The following AKAP13 variants were observed in gnomAD, a reference collection of about 807,000 sequenced individuals.
AKAP13 encodes A-kinase anchoring protein 13, also known as A-kinase anchor protein 13.
AKAP13 carries 80 observed loss-of-function variants against 264.5 expected under a neutral mutation model. The observed-to-expected ratio is 0.30, with a 90% CI of 0.25 to 0.36. The LOEUF is 0.36. Ranked by LOEUF, AKAP13 falls within the 10% of genes least tolerant of loss-of-function variation. AKAP13 has a pLI of 1.00. For synonymous variants in AKAP13, 1,380 were observed against 1,250.2 expected (o/e 1.10, Z -2.19); for missense variants, 3,712 against 3,435.2 (o/e 1.08, Z -2.01).
intron 23 of AKAP13, among the ~76,000 whole-genome samples, chr15:85,721,523 T>C (rs2087282177): frequency 6.6e-6 from 1 of 152,214 alleles, no homozygotes; most frequent in African/African-American, 2.4e-5. Context: ...CATAGAATTA[T>C]TAGGACTGCT....
rs78536863 is a variant in AKAP13 at position 85,734,659 on chromosome 15, A to G, written c.7283-333A>G. 2.0e-3 allele frequency among the ~76,000 whole-genome samples: 308 copies of G among 152,360 alleles called. 8 individuals carry two copies. The East Asian group carries it at 0.055, about 27-fold the overall frequency. On this transcript the variant is annotated intron_variant, in intron 30 of 36. Transcript: ENST00000394518. ...TGTTTTACTTGCTGTTCTCAAATCA[A>G]TCCATCTTACTTTCCAGGGAATATC...
chr15:85,403,525 G>A (rs1298760739), intron 1 of AKAP13, among the ~76,000 whole-genome samples: 4 of 152,094 alleles, frequency 2.6e-5, no homozygotes, highest in Admixed American at 6.6e-5. Flanking sequence ...GAAATGTGTC[G>A]CTTTTGGCTA....
intron 2 of AKAP13, among the ~76,000 whole-genome samples, chr15:85,492,641 G>A (rs1162082970): frequency 1.3e-5 from 2 of 152,150 alleles, no homozygotes; most frequent in East Asian, 3.8e-4. Context: ...TAACATTGAT[G>A]TAATACTCTT....
At chr15:85,503,433 C>T (rs1338788511) in intron 2 of AKAP13, among the ~76,000 whole-genome samples, 1 of 152,178 alleles carries the variant, frequency 6.6e-6, no homozygotes. Flanking sequence ...GTATTGGTAC[C>T]TTCCCTTCTT....
At chr15:85,497,539 G>T (rs994468210) in intron 2 of AKAP13, among the ~76,000 whole-genome samples, 1 of 152,212 alleles carries the variant, frequency 6.6e-6, no homozygotes, top group Non-Finnish European at 1.5e-5. Flanking sequence ...CAGTTGTGGG[G>T]AGAGACTTTG....
intron 1 of AKAP13, among the ~76,000 whole-genome samples, chr15:85,464,811 C>G (rs544336375): frequency 1.4e-4 from 21 of 152,192 alleles, no homozygotes; most frequent in African/African-American, 5.1e-4. Flanking sequence ...CAATTGCTTA[C>G]CCCGTCCCTT....
intron 1 of AKAP13, among the ~76,000 whole-genome samples, chr15:85,464,437 C>A (rs1048601143): frequency 3.9e-5 from 6 of 152,066 alleles, no homozygotes; most frequent in African/African-American, 1.5e-4. Context: ...ATATCTATTC[C>A]TGAGTTTTGA....
intron 7 of AKAP13, 29 bp from the exon 8 acceptor site, chr15:85,585,673 T>A: frequency 6.2e-7 from 1 of 1,613,424 alleles, no homozygotes; most frequent in Non-Finnish European, 8.5e-7. Context: ...TTTTTAAAAA[T>A]GTACTCTGTA....
At chr15:85,588,205 A>G (rs1444679505) in intron 8 of AKAP13, among the ~76,000 whole-genome samples, 2 of 152,218 alleles carry the variant, frequency 1.3e-5, no homozygotes, top group African/African-American at 4.8e-5. Context: ...TTTCAAGAGT[A>G]TGAACAGTGA....
At chr15:85,661,527 T>G (rs1306867310) in intron 12 of AKAP13, among the ~76,000 whole-genome samples, 1 of 152,152 alleles carries the variant, frequency 6.6e-6, no homozygotes, top group African/African-American at 2.4e-5. Flanking sequence ...GAGACCAGCC[T>G]GACCAACATG....
chr15:85,485,167 A>G (rs2075493644), intron 1 of AKAP13, among the ~76,000 whole-genome samples: 1 of 152,238 alleles, frequency 6.6e-6, no homozygotes, highest in South Asian at 2.1e-4. Context: ...AGTGAACATA[A>G]CAATCAGGGA....
At chr15:85,628,450 G>C (rs1251054910) in intron 8 of AKAP13, among the ~76,000 whole-genome samples, 1 of 152,178 alleles carries the variant, frequency 6.6e-6, no homozygotes, top group African/African-American at 2.4e-5. Context: ...TATCGGAAAT[G>C]TTACTGTTCT....
At chr15:85,662,655 C>T (rs1233243344) in intron 12 of AKAP13, among the ~76,000 whole-genome samples, 1 of 152,192 alleles carries the variant, frequency 6.6e-6, no homozygotes, top group South Asian at 2.1e-4. Flanking sequence ...GGTGATGCAT[C>T]CTGTATGTCT....
At chr15:85,676,052 C>T (rs377706431) in intron 14 of AKAP13, among the ~76,000 whole-genome samples, 1 of 152,096 alleles carries the variant, frequency 6.6e-6, no homozygotes, top group African/African-American at 2.4e-5. Flanking sequence ...GCTGGGATTA[C>T]AGGTGCCCAC....
intron 8 of AKAP13, among the ~76,000 whole-genome samples, chr15:85,606,879 C>T (rs1239514628): frequency 1.3e-5 from 2 of 152,134 alleles, no homozygotes; most frequent in African/African-American, 4.8e-5. Context: ...AGGATCACCT[C>T]TCAGAGCTAG....
chr15:85,721,722 T>C lies in AKAP13; in HGVS notation c.6253-269T>C, dbSNP rs569140769. On this transcript the variant is annotated intron_variant, in intron 23 of 36. Coordinates refer to ENST00000394518, the MANE Select transcript of AKAP13 (RefSeq NM_007200.5). ...TTGCATTTTCCGTGTGCACAGTACA[T>C]AAAGTTTCTTTAATTTTTTGTTGTT... 2.9e-4 allele frequency among the ~76,000 whole-genome samples: 44 copies of C among 152,356 alleles called. 1 individual carries two copies. The highest frequency in any genetic ancestry group is 8.8e-5 in the Non-Finnish European group (6 of 68,022).
At position 85,513,970 on chromosome 15, in the gene AKAP13, G is replaced by C. The variant is rs879621189; in HGVS notation, c.34-7458G>C. 2.9e-5 allele frequency among the ~76,000 whole-genome samples: 4 copies of C among 137,684 alleles called. 1 individual carries two copies. The highest frequency in any genetic ancestry group is 6.2e-5 in the Non-Finnish European group (4 of 64,530). The allele number at this position is 137,684 out of a possible 152,430, so 90.3% of individuals were successfully genotyped here. On this transcript the variant is annotated intron_variant, in intron 2 of 36. Transcript: ENST00000394518. ...CTGTCTTTATTGAGATCTTTATTTT[G>C]ATTAACCTGTTCAGTGTATTGGCAG...
chr15:85,462,060 T>A (rs905659622), intron 1 of AKAP13, among the ~76,000 whole-genome samples: 1 of 152,204 alleles, frequency 6.6e-6, no homozygotes, highest in Non-Finnish European at 1.5e-5. Flanking sequence ...AACAACTACA[T>A]GAAGACACTA....
intron 16 of AKAP13, among the ~76,000 whole-genome samples, chr15:85,687,264 G>C (rs897107067): frequency 6.6e-6 from 1 of 152,160 alleles, no homozygotes; most frequent in Non-Finnish European, 1.5e-5. Flanking sequence ...CTTCCAGGAA[G>C]TAGTACTCAT....
Sources: gnomAD v4.1 joint callset for allele counts (sites outside exome capture counted in the v4.1 genomes callset) on GRCh38, gnomAD v4.1.1 for gene constraint, MANE v1.5 for transcripts, NCBI Gene and HGNC (gene_info 2026-07-23, HGNC 2026-07-21) for gene names.